STX1A: variants seen among roughly 807,000 people sequenced by gnomAD.
STX1A encodes syntaxin-1A.
STX1A carries 4 observed loss-of-function variants against 37.8 expected under a neutral mutation model. That is an observed-to-expected ratio of 0.11 (90% CI 0.05 to 0.24). STX1A has a LOEUF of 0.24. Among genes scored for constraint, STX1A ranks in the 10% least tolerant of loss-of-function variants. The pLI, the probability that STX1A is intolerant of heterozygous loss-of-function variation, is 1.00. For synonymous variants in STX1A, 135 were observed against 147.4 expected (o/e 0.92, Z 0.61); for missense variants, 251 against 399.9 (o/e 0.63, Z 3.18).
intron 8 of STX1A, chr7:73,701,245 C>A: frequency 2.3e-6 from 1 of 435,334 alleles, no homozygotes; most frequent in Non-Finnish European, 4.1e-6. Flanking sequence ...CACCCCCATC[C>A]TCAGGCATGA....
chr7:73,712,239 G>A (rs138319561), intron 1 of STX1A, among the ~76,000 whole-genome samples: 2,382 of 152,104 alleles, frequency 0.016, 32 homozygotes, highest in Middle Eastern at 0.037. Context: ...TCCTCCCCAC[G>A]TCCTTCTACT....
chr7:73,703,287 G>A, intron 7 of STX1A: 1 of 549,484 alleles, frequency 1.8e-6, no homozygotes, highest in Non-Finnish European at 3.3e-6. Context: ...GAAGTTGACT[G>A]CCCCGTGGAC....
rs1035054246 is a variant in STX1A at position 73,718,366 on chromosome 7, A to T, written c.30+1236T>A. On this transcript the variant is annotated intron_variant, in intron 1 of 9. Coordinates refer to ENST00000222812, the MANE Select transcript of STX1A (RefSeq NM_004603.4). ...CCGGCTCCAGGATGCCCAGGAGGCA[A>T]CCATGACATAATGGGGCAGACAGGC... Among the ~76,000 whole-genome samples the T allele has an allele frequency of 6.6e-5, 10 of 152,178 alleles. No individual in the cohort carries two copies. The East Asian group carries it at 1.9e-3, about 29-fold the overall frequency.
chr7:73,712,319 C>A (rs868987437), intron 1 of STX1A, among the ~76,000 whole-genome samples: 1 of 151,492 alleles, frequency 6.6e-6, no homozygotes, highest in Non-Finnish European at 1.5e-5. Context: ...GGATCAGACC[C>A]CACTCCCCCA....
rs1180677087 is a variant in STX1A, at chr7:73,717,013, C to T, written c.30+2589G>A. Among the ~76,000 whole-genome samples the T allele has an allele frequency of 1.3e-5, 2 of 152,172 alleles. No individual in the cohort carries two copies. The highest frequency in any genetic ancestry group is 1.5e-5 in the Non-Finnish European group (1 of 68,034). ...CCCCCTGGCTAGTCCCCAGTGACCCCCTTCACTCCCCATCTGCAGAGGGAG... is the reference window on the plus strand; with the variant it reads ...CCCCCTGGCTAGTCCCCAGTGACCCTCTTCACTCCCCATCTGCAGAGGGAG... On this transcript the variant is annotated intron_variant, in intron 1 of 9. Coordinates refer to ENST00000222812, the MANE Select transcript of STX1A (RefSeq NM_004603.4). This position sits in a 1 kb window ranked among gnomAD's most constrained non-coding sequence, Gnocchi z 4.1.
rs999181696 is a variant in STX1A, at chr7:73,700,254, G to C, written c.*153C>G. 5.7e-6 allele frequency: 4 copies of C among 697,690 alleles called. No individual in the cohort carries two copies. Among genetic ancestry groups the C allele is most frequent in the Non-Finnish European group, 1.0e-5 (4 of 399,380 alleles). The allele number at this position is 697,690 out of a possible 1,614,324, so 43.2% of individuals were successfully genotyped here. On this transcript the variant is annotated 3_prime_UTR_variant, in exon 10 of 10. Transcript: ENST00000222812. This position sits in a 1 kb window ranked among gnomAD's most constrained non-coding sequence, Gnocchi z 4.4. ...CATGCACACGACACGGGGCGGGGAC[G>C]GAGGGCCCATGGCAGAGAAGGGAGC... is the stretch of plus-strand genomic sequence containing the variant.
At position 73,702,805 on chromosome 7, in the gene STX1A, G is replaced by A. The variant is rs1563568379; in HGVS notation, c.678+40C>T. The A allele has an allele frequency of 1.9e-6, 3 of 1,613,692 alleles. No homozygotes were observed. The highest frequency in any genetic ancestry group is 3.3e-5 in the Admixed American group (2 of 60,002). ...GAGGTTAGTGCAGCCCTGGGTGCTGGTGTGGGCTGGAGTGGAGGGCAGGGG... is the reference window on the plus strand; with the variant it reads ...GAGGTTAGTGCAGCCCTGGGTGCTGATGTGGGCTGGAGTGGAGGGCAGGGG... On this transcript the variant is annotated intron_variant, in intron 8 of 9. Coordinates refer to ENST00000222812, the MANE Select transcript of STX1A (RefSeq NM_004603.4). The surrounding 1 kb of genome is among the most constrained non-coding windows in gnomAD (Gnocchi z 4.7).
Position 73,719,633 on chromosome 7 carries a change from C to T in STX1A, c.-2G>A. On this transcript the variant is annotated 5_prime_UTR_variant, in exon 1 of 10. Transcript: ENST00000222812. ...GAGCTCCTGGGTTCGGTCCTTCATG[C>T]TCCCGGGAGTGGCAGCGGCGCCGGC... 1 of 1,199,148 alleles carries T rather than the reference C, an allele frequency of 8.3e-7. No individual in the cohort carries two copies. The highest frequency in any genetic ancestry group is 1.0e-6 in the Non-Finnish European group (1 of 961,680). The allele number at this position is 1,199,148 out of a possible 1,614,324, so 74.3% of individuals were successfully genotyped here.
In STX1A at chr7:73,700,182, G is replaced by GCTGCCTCCCT. The variant is rs1798594678; in HGVS notation, c.*215_*224dup. ...GTGCACACTGCATCACGCCCCGCTGGCTGCCTCCCTCTGCCTCTTCCCGTA... is the reference window on the plus strand; with the variant it reads ...GTGCACACTGCATCACGCCCCGCTGGCTGCCTCCCTCTGCCTCCCTCTGCCTCTTCCCGTA... On this transcript the variant is annotated 3_prime_UTR_variant, in exon 10 of 10. Transcript: ENST00000222812. This position sits in a 1 kb window ranked among gnomAD's most constrained non-coding sequence, Gnocchi z 4.4. 3.3e-6 allele frequency: 2 copies of GCTGCCTCCCT among 600,378 alleles called. No individual in the cohort carries two copies. The highest frequency in any genetic ancestry group is 5.9e-6 in the Non-Finnish European group (2 of 336,934). 37.2% of individuals were successfully genotyped at this position (600,378 alleles called of 1,614,324 possible).
At chr7:73,704,067 T>C in intron 6 of STX1A, 81 bp downstream of exon 6, 1 of 1,434,928 alleles carries the variant, frequency 7.0e-7, no homozygotes, top group South Asian at 1.3e-5. Context: ...AGCAGCAGCC[T>C]TGAGCCACGC....
rs370860147 is a variant in STX1A, at chr7:73,700,212, C to T, written c.*195G>A. 55 of 626,480 alleles carry T rather than the reference C, an allele frequency of 8.8e-5. No homozygotes were observed. Among genetic ancestry groups the T allele is most frequent in the Middle Eastern group, 4.2e-4 (1 of 2,390 alleles). 38.8% of individuals were successfully genotyped at this position (626,480 alleles called of 1,614,324 possible). ...CTCCCTCTGCCTCTTCCCGTACAGA[C>T]GCACACTCACAGAGATCATGCACAC... is the stretch of plus-strand genomic sequence containing the variant. On this transcript the variant is annotated 3_prime_UTR_variant, in exon 10 of 10. Transcript: ENST00000222812. This position sits in a 1 kb window ranked among gnomAD's most constrained non-coding sequence, Gnocchi z 4.4.
intron 1 of STX1A, among the ~76,000 whole-genome samples, chr7:73,715,829 C>A (rs527358121): frequency 6.6e-6 from 1 of 152,312 alleles, no homozygotes; most frequent in African/African-American, 2.4e-5. Context: ...CAGAGAGGCC[C>A]GGAGCTGAGT....
chr7:73,708,880 G>A (rs769235182), intron 2 of STX1A, among the ~76,000 whole-genome samples, 165 bp downstream of exon 2: 13 of 152,120 alleles, frequency 8.5e-5, no homozygotes, highest in East Asian at 1.9e-4. Flanking sequence ...ATTTAGCTCC[G>A]CTCTGAGCTT....
chr7:73,710,323 G>A (rs1799053964), intron 1 of STX1A, among the ~76,000 whole-genome samples: 1 of 152,284 alleles, frequency 6.6e-6, no homozygotes, highest in Non-Finnish European at 1.5e-5. Flanking sequence ...GGCAAGGCCA[G>A]GTCTCTCTCT....
At chr7:73,713,951 G>A (rs546425786) in intron 1 of STX1A, among the ~76,000 whole-genome samples, 2 of 152,246 alleles carry the variant, frequency 1.3e-5, no homozygotes, top group African/African-American at 2.4e-5. Context: ...GATATCATAC[G>A]GGCACCTTGC....
At chr7:73,718,713 G>A (rs1799380489) in intron 1 of STX1A, among the ~76,000 whole-genome samples, 2 of 152,046 alleles carry the variant, frequency 1.3e-5, no homozygotes, top group Admixed American at 1.3e-4. Context: ...AAGGGCAGAG[G>A]CCAGGGGAAG....
chr7:73,706,471 C>T lies in STX1A; in HGVS notation c.209-1247G>A, dbSNP rs1294920921. Among the ~76,000 whole-genome samples the T allele has an allele frequency of 2.0e-5, 3 of 152,082 alleles. No individual in the cohort carries two copies. The highest frequency in any genetic ancestry group is 4.8e-5 in the African/African-American group (2 of 41,410). On this transcript the variant is annotated intron_variant, in intron 3 of 9. Coordinates refer to ENST00000222812, the MANE Select transcript of STX1A (RefSeq NM_004603.4). This position sits in a 1 kb window ranked among gnomAD's most constrained non-coding sequence, Gnocchi z 4.6. ...TTGAGACTTCTCCTTAACTCTGTGC[C>T]GCCTGTGCCCTAGAACCCCCAACAT... is the stretch of plus-strand genomic sequence containing the variant.
At chr7:73,701,650 A>G (rs1373304470) in intron 8 of STX1A, among the ~76,000 whole-genome samples, 7 of 152,076 alleles carry the variant, frequency 4.6e-5, no homozygotes, top group African/African-American at 1.2e-4. Context: ...CAAGACTCCT[A>G]GGGCGTGTCT....
At chr7:73,703,580 C>T (rs77026096) in intron 7 of STX1A, 175 bp downstream of exon 7, 20,873 of 826,168 alleles carry the variant, frequency 0.025, 344 homozygotes, top group Middle Eastern at 0.038. Context: ...ACCTTTGCCG[C>T]TGACATTTAT....
Sources: gnomAD v4.1 joint callset for allele counts (sites outside exome capture counted in the v4.1 genomes callset) on GRCh38, gnomAD v4.1.1 for gene constraint, Gnocchi (gnomAD v3.1) non-coding constraint, MANE v1.5 for transcripts, NCBI Gene and HGNC (gene_info 2026-07-23, HGNC 2026-07-21) for gene names.